RBFOX1: variants seen among roughly 807,000 people sequenced by gnomAD.
The protein encoded by RBFOX1 is RNA binding protein fox-1 homolog 1.
RBFOX1 carries 8 observed loss-of-function variants against 57.7 expected under a neutral mutation model. That is an observed-to-expected ratio of 0.14 (90% CI 0.08 to 0.25). The LOEUF (loss-of-function observed/expected upper bound fraction) is 0.25. Among genes scored for constraint, RBFOX1 ranks in the 10% least tolerant of loss-of-function variants. RBFOX1 has a pLI of 1.00. For missense variants in RBFOX1, 611 were observed against 548.5 expected (o/e 1.11, Z -1.14); for synonymous variants, 326 against 222.4 (o/e 1.47, Z -4.15).
intron 3 of RBFOX1, among the ~76,000 whole-genome samples, chr16:6,720,698 G>T (rs2065817796): frequency 6.6e-6 from 1 of 152,204 alleles, no homozygotes; most frequent in Admixed American, 6.5e-5. Flanking sequence ...AGAGACCAGG[G>T]TGGTGGGTCA....
At chr16:7,074,092 C>G (rs895659599) in intron 4 of RBFOX1, among the ~76,000 whole-genome samples, 3 of 152,130 alleles carry the variant, frequency 2.0e-5, no homozygotes, top group Non-Finnish European at 2.9e-5. Context: ...CCCACAGAGC[C>G]TACAATATTT....
At chr16:5,511,801 C>T (rs537722229) in intron 2 of RBFOX1, among the ~76,000 whole-genome samples, 2 of 152,254 alleles carry the variant, frequency 1.3e-5, no homozygotes, top group South Asian at 4.1e-4. Context: ...AACTATGTCC[C>T]CAAAGTTCTC....
chr16:7,410,141 A>G (rs2098408683), intron 4 of RBFOX1, among the ~76,000 whole-genome samples: 1 of 152,158 alleles, frequency 6.6e-6, no homozygotes, highest in African/African-American at 2.4e-5. Flanking sequence ...ACCTACATAA[A>G]TGTCACTTTC....
intron 2 of RBFOX1, among the ~76,000 whole-genome samples, chr16:6,464,239 G>T (rs1033067863): frequency 6.6e-6 from 1 of 152,054 alleles, no homozygotes; most frequent in Non-Finnish European, 1.5e-5. Context: ...AGCCATTTTG[G>T]TACTACTGTG....
At chr16:5,694,731 C>T (rs1334034045) in intron 3 of RBFOX1, among the ~76,000 whole-genome samples, 2 of 151,720 alleles carry the variant, frequency 1.3e-5, no homozygotes, top group Non-Finnish European at 2.9e-5. Flanking sequence ...TCACAGCCCC[C>T]AACCCCACTA....
At chr16:7,619,973 G>C (rs1029807256) in intron 10 of RBFOX1, among the ~76,000 whole-genome samples, 1 of 152,162 alleles carries the variant, frequency 6.6e-6, no homozygotes, top group Admixed American at 6.5e-5. Context: ...CTAGAAGCTA[G>C]ACATATCTTA....
chr16:7,523,095 G>T (rs1254225577), intron 5 of RBFOX1, among the ~76,000 whole-genome samples: 1 of 152,088 alleles, frequency 6.6e-6, no homozygotes, highest in African/African-American at 2.4e-5. Context: ...AACATTATGT[G>T]CTCTCTTTGT....
intron 2 of RBFOX1, among the ~76,000 whole-genome samples, chr16:6,385,525 A>T (rs1238940478): frequency 6.6e-6 from 1 of 152,002 alleles, no homozygotes; most frequent in Non-Finnish European, 1.5e-5. Flanking sequence ...ACACCCGGAT[A>T]ATTTTTGTAT....
intron 3 of RBFOX1, among the ~76,000 whole-genome samples, chr16:6,678,101 C>G (rs1306947268): frequency 6.6e-6 from 1 of 152,176 alleles, no homozygotes; most frequent in Non-Finnish European, 1.5e-5. Context: ...TCATCATCTA[C>G]TTAAATTAAA....
chr16:6,663,688 G>A (rs886904931), intron 3 of RBFOX1, among the ~76,000 whole-genome samples: 1 of 152,228 alleles, frequency 6.6e-6, no homozygotes, highest in African/African-American at 2.4e-5. Flanking sequence ...AATGTCCTTT[G>A]TTTAAGGCCG....
intron 2 of RBFOX1, among the ~76,000 whole-genome samples, chr16:6,636,039 T>G (rs555565507): frequency 1.3e-5 from 2 of 152,306 alleles, no homozygotes; most frequent in Admixed American, 6.5e-5. Flanking sequence ...TTTAATAATT[T>G]ATGCTTGAAA....
At chr16:6,320,843 G>A (rs562904641) in intron 2 of RBFOX1, among the ~76,000 whole-genome samples, 2 of 151,884 alleles carry the variant, frequency 1.3e-5, no homozygotes, top group African/African-American at 4.8e-5. Flanking sequence ...GCCCAGGCTG[G>A]AGTGCAGTGG....
intron 4 of RBFOX1, among the ~76,000 whole-genome samples, chr16:7,406,461 C>T (rs1268787629): frequency 6.6e-6 from 1 of 152,076 alleles, no homozygotes; most frequent in Non-Finnish European, 1.5e-5. Context: ...ACCCTGTGGC[C>T]CAGAGGGTGG....
At chr16:5,419,051 G>T (rs1051181113) in intron 1 of RBFOX1, among the ~76,000 whole-genome samples, 3 of 152,184 alleles carry the variant, frequency 2.0e-5, no homozygotes, top group Admixed American at 6.5e-5. Flanking sequence ...CAGAGACCAG[G>T]CTGGAGCAAT....
At chr16:6,425,573 A>T (rs1211718034) in intron 2 of RBFOX1, among the ~76,000 whole-genome samples, 1 of 152,092 alleles carries the variant, frequency 6.6e-6, no homozygotes. Flanking sequence ...AAAGAAAAAC[A>T]AGTTTATCTA....
At chr16:6,578,588 G>GGTGTGTGCGTGTGT (rs1555570842) in intron 2 of RBFOX1, among the ~76,000 whole-genome samples, 1 of 11,170 alleles carries the variant, frequency 9.0e-5, no homozygotes, top group Non-Finnish European at 3.0e-4. Context: ...TATGGGTATT[G>GGTGTGTGCGTGTGT]GTGTGTGTGC....
At chr16:7,041,193 C>T (rs1187292901) in intron 3 of RBFOX1, among the ~76,000 whole-genome samples, 1 of 151,136 alleles carries the variant, frequency 6.6e-6, no homozygotes, top group South Asian at 2.1e-4. Context: ...CTTGTCCTCC[C>T]AAAGTGCTGG....
intron 3 of RBFOX1, among the ~76,000 whole-genome samples, chr16:6,748,324 C>T (rs1289659085): frequency 6.6e-6 from 1 of 152,008 alleles, no homozygotes; most frequent in East Asian, 1.9e-4. Context: ...TATATACGTA[C>T]ACATACACAT....
chr16:6,202,567 TCA>T (rs1268837233), intron 1 of RBFOX1, among the ~76,000 whole-genome samples: 1 of 152,014 alleles, frequency 6.6e-6, no homozygotes, highest in Non-Finnish European at 1.5e-5. Context: ...CCCTGTTGGG[TCA>T]GTTTCTTTCT....
Sources: gnomAD v4.1 joint callset for allele counts (sites outside exome capture counted in the v4.1 genomes callset) on GRCh38, gnomAD v4.1.1 for gene constraint, MANE v1.5 for transcripts, NCBI Gene and HGNC (gene_info 2026-07-23, HGNC 2026-07-21) for gene names.